ARHGEF26: variants seen among roughly 807,000 people sequenced by gnomAD.
ARHGEF26 encodes Rho guanine nucleotide exchange factor 26.
ARHGEF26 carries 59 observed loss-of-function variants against 89.4 expected under a neutral mutation model. That is an observed-to-expected ratio of 0.66 (90% CI 0.54 to 0.82). ARHGEF26 has a LOEUF of 0.82. ARHGEF26 is among the 40% of genes least tolerant of loss of function. The probability of loss-of-function intolerance (pLI) is 0.00; values close to 1 mark genes in which losing one functional copy is unlikely to be tolerated. For synonymous variants in ARHGEF26, 500 were observed against 428.4 expected, an observed-to-expected ratio of 1.17 and a Z score of -2.06; for missense variants, 1,234 against 1,085.6, an observed-to-expected ratio of 1.14 and a Z score of -1.92.
intron 2 of ARHGEF26, 32 bp from the exon 3 acceptor site, chr3:154,124,372 CTTTTTT>C (rs10688646): frequency 9.9e-7 from 1 of 1,007,738 alleles, no homozygotes; most frequent in Non-Finnish European, 1.3e-6. Flanking sequence ...TTTGCTTTTC[CTTTTTT>C]TTTTTTTTTT....
chr3:154,124,928 A>T (rs1718235494), intron 3 of ARHGEF26, among the ~76,000 whole-genome samples: 1 of 152,062 alleles, frequency 6.6e-6, no homozygotes, highest in African/African-American at 2.4e-5. Context: ...GGCTGACAAA[A>T]ACATATTCTT....
chr3:154,155,829 T>TAA (rs1220133012), intron 6 of ARHGEF26, among the ~76,000 whole-genome samples: 2 of 151,974 alleles, frequency 1.3e-5, no homozygotes, highest in Non-Finnish European at 2.9e-5. Flanking sequence ...AGGAAAATTC[T>TAA]AAAAGGACTG....
chr3:154,235,757 CA>C (rs978529558), intron 11 of ARHGEF26, among the ~76,000 whole-genome samples: 20 of 151,018 alleles, frequency 1.3e-4, no homozygotes, highest in Non-Finnish European at 2.5e-4. Flanking sequence ...CCTTTTTAAA[CA>C]AAAAAAAATA....
intron 9 of ARHGEF26, among the ~76,000 whole-genome samples, chr3:154,197,669 ATTTCT>A (rs2108201471): frequency 6.6e-6 from 1 of 152,296 alleles, no homozygotes; most frequent in Non-Finnish European, 1.5e-5. Flanking sequence ...GACTGTGACA[ATTTCT>A]TTAATTTAGG....
rs114427998 is a variant in ARHGEF26, at chr3:154,122,539, G to C, written c.547G>C (p.Asp183His). The change falls in exon 2 of 15, where the codon GAC becomes CAC. Residue 183 changes from aspartate to histidine, a missense_variant. Physicochemically the swap from Asp to His is moderately conservative, Grantham distance 81. Coordinates refer to ENST00000465093, the MANE Select transcript of ARHGEF26 (RefSeq NM_015595.4). ...PTANGLAANNDSPGSGSQSGR... is the reference protein window; with the variant it reads ...PTANGLAANNHSPGSGSQSGR... ...TGCAAATGGCCTTGCCGCTAATAAC[G>C]ACTCTCCTGGGTCAGGTTCGCAGTC... 1,093 of 1,613,502 alleles carry C rather than the reference G, an allele frequency of 6.8e-4. 4 individuals carry two copies. The African/African-American group carries it at 0.011, about 17-fold the overall frequency.
At chr3:154,238,995 T>C (rs1469429680) in intron 11 of ARHGEF26, among the ~76,000 whole-genome samples, 1 of 151,966 alleles carries the variant, frequency 6.6e-6, no homozygotes, top group East Asian at 1.9e-4. Flanking sequence ...TGTTGAGGAT[T>C]AGAGGAGGTG....
chr3:154,245,185 G>T (rs56038139), intron 12 of ARHGEF26, among the ~76,000 whole-genome samples: 8,461 of 152,078 alleles, frequency 0.056, 373 homozygotes, highest in Non-Finnish European at 0.084. Context: ...TTATCACCAT[G>T]CTTGGCTAAT....
intron 6 of ARHGEF26, among the ~76,000 whole-genome samples, 154 bp from the exon 7 acceptor site, chr3:154,187,531 A>G (rs191762970): frequency 3.9e-5 from 6 of 152,300 alleles, no homozygotes; most frequent in Admixed American, 3.9e-4. Context: ...TTAAACTTAG[A>G]TAAAATTTTT....
At chr3:154,131,621 A>G (rs1718686754) in intron 4 of ARHGEF26, among the ~76,000 whole-genome samples, 1 of 152,194 alleles carries the variant, frequency 6.6e-6, no homozygotes, top group Non-Finnish European at 1.5e-5. Context: ...ACCATTTGGT[A>G]GAGGATCCAG....
rs1417816495 is a variant in ARHGEF26 at position 154,203,943 on chromosome 3, A to G, written c.1845+9225A>G. Among the ~76,000 whole-genome samples the G allele has an allele frequency of 2.6e-5, 4 of 151,442 alleles. No individual in the cohort carries two copies. In the East Asian group the frequency reaches 5.8e-4, roughly 22 times the overall value. ...TTTTGCATTAATATTAATCATAGAT[A>G]TTGTCCTGTAGTTTTCTTTTTTGAT... is the stretch of plus-strand genomic sequence containing the variant. On this transcript the variant is annotated intron_variant, in intron 9 of 14. Transcript: ENST00000465093.
At chr3:154,184,490 C>T (rs971067668) in intron 6 of ARHGEF26, among the ~76,000 whole-genome samples, 2 of 152,210 alleles carry the variant, frequency 1.3e-5, no homozygotes, top group Non-Finnish European at 2.9e-5. Flanking sequence ...CTTCCTGCTG[C>T]TTCTCCCTGT....
intron 4 of ARHGEF26, among the ~76,000 whole-genome samples, chr3:154,131,027 C>G (rs1454721376): frequency 6.6e-6 from 1 of 152,210 alleles, no homozygotes; most frequent in Non-Finnish European, 1.5e-5. Context: ...TCCCTGTCTT[C>G]TTCCCACCTC....
rs1720315335 is a variant in ARHGEF26 at position 154,155,943 on chromosome 3, T to TAA, written c.1487+3012_1487+3013dup. ...AAGGAATATTTAATAATATGGACTT[T>TAA]AATATATTCAGATTTTAAAGCAGGT... is the stretch of plus-strand genomic sequence containing the variant. On this transcript the variant is annotated intron_variant, in intron 6 of 14. Transcript: ENST00000465093. 2.0e-5 allele frequency among the ~76,000 whole-genome samples: 3 copies of TAA among 152,042 alleles called. 1 individual carries two copies. In the South Asian group the frequency reaches 6.2e-4, roughly 31 times the overall value.
intron 4 of ARHGEF26, among the ~76,000 whole-genome samples, chr3:154,144,754 G>T (rs1719597482): frequency 2.6e-5 from 4 of 152,122 alleles, no homozygotes; most frequent in African/African-American, 4.8e-5. Context: ...CCTGCTTGAG[G>T]CTGAGTACTT....
At chr3:154,144,870 G>T (rs1719605639) in intron 4 of ARHGEF26, among the ~76,000 whole-genome samples, 1 of 152,128 alleles carries the variant, frequency 6.6e-6, no homozygotes, top group South Asian at 2.1e-4. Flanking sequence ...GGATGTCACT[G>T]GCATATTACC....
At chr3:154,214,103 G>A (rs1216072338) in intron 9 of ARHGEF26, among the ~76,000 whole-genome samples, 1 of 152,204 alleles carries the variant, frequency 6.6e-6, no homozygotes, top group African/African-American at 2.4e-5. Flanking sequence ...CACAGCATAT[G>A]CATCCAACAT....
intron 6 of ARHGEF26, among the ~76,000 whole-genome samples, chr3:154,184,612 G>A (rs1392127993): frequency 6.6e-6 from 1 of 152,152 alleles, no homozygotes; most frequent in East Asian, 1.9e-4. Context: ...TGCGTTTCTT[G>A]AGTCTATTAA....
At chr3:154,154,779 A>G (rs1720227181) in intron 6 of ARHGEF26, among the ~76,000 whole-genome samples, 1 of 152,038 alleles carries the variant, frequency 6.6e-6, no homozygotes, top group Non-Finnish European at 1.5e-5. Context: ...CTCCAGCTAC[A>G]ATAATTATCA....
intron 4 of ARHGEF26, among the ~76,000 whole-genome samples, chr3:154,138,443 C>G (rs542505295): frequency 1.3e-5 from 2 of 152,100 alleles, no homozygotes; most frequent in Non-Finnish European, 2.9e-5. Context: ...AAAATATAGA[C>G]AGAGATTGAG....
Sources: gnomAD v4.1 joint callset for allele counts (sites outside exome capture counted in the v4.1 genomes callset) on GRCh38, gnomAD v4.1.1 for gene constraint, MANE v1.5 for transcripts, NCBI Gene and HGNC (gene_info 2026-07-23, HGNC 2026-07-21) for gene names.